PDE10A: variants seen among roughly 807,000 people sequenced by gnomAD.
PDE10A encodes cAMP and cAMP-inhibited cGMP 3',5'-cyclic phosphodiesterase 10A.
Under a neutral mutation model 97.7 loss-of-function variants are expected in PDE10A, and 39 were observed. The observed-to-expected ratio is 0.40, with a 90% CI of 0.31 to 0.52. PDE10A has a LOEUF of 0.52. Ranked by LOEUF, PDE10A falls within the 20% of genes least tolerant of loss-of-function variation. PDE10A has a pLI of 0.56. For synonymous variants in PDE10A, 371 were observed against 376.8 expected (o/e 0.98, Z 0.18); for missense variants, 731 against 1,047.8 (o/e 0.70, Z 4.17).
chr6:165,708,722 G>C (rs1413374051), intron 1 of PDE10A, among the ~76,000 whole-genome samples: 18 of 141,594 alleles, frequency 1.3e-4, no homozygotes, highest in African/African-American at 4.0e-4. Flanking sequence ...CTACCCCCAT[G>C]CTGCGGCGCT....
chr6:165,669,049 C>T (rs1790574449), intron 1 of PDE10A, among the ~76,000 whole-genome samples: 1 of 152,244 alleles, frequency 6.6e-6, no homozygotes, highest in African/African-American at 2.4e-5. Flanking sequence ...AGGCTCCCGT[C>T]TAGACTGAGT....
At chr6:165,510,030 C>T (rs1405112386) in intron 2 of PDE10A, among the ~76,000 whole-genome samples, 1 of 151,970 alleles carries the variant, frequency 6.6e-6, no homozygotes, top group Non-Finnish European at 1.5e-5. Flanking sequence ...AGAGGGACAA[C>T]CTGACTTTCT....
intron 5 of PDE10A, 129 bp from the exon 6 acceptor site, chr6:165,435,506 G>T: frequency 2.7e-6 from 2 of 738,062 alleles, no homozygotes; most frequent in Non-Finnish European, 4.0e-6. Context: ...AATGAGGAAA[G>T]GTGCTTTGCC....
chr6:165,542,612 CTTTTTTTTTTTTTTTTTT>C (rs545149187), intron 2 of PDE10A, among the ~76,000 whole-genome samples: 2 of 76,426 alleles, frequency 2.6e-5, no homozygotes, highest in Non-Finnish European at 5.2e-5. Context: ...TGTCCTTGTT[CTTTTTTTTTTTTTTTTTT>C]TTTTTTTTGA....
At chr6:165,926,285 T>A (rs1782933731) in intron 1 of PDE10A, among the ~76,000 whole-genome samples, 1 of 152,198 alleles carries the variant, frequency 6.6e-6, no homozygotes, top group Non-Finnish European at 1.5e-5. Flanking sequence ...AAGCCATCCA[T>A]CCTTGCTTGG....
chr6:165,526,912 G>A (rs556682832), intron 2 of PDE10A, among the ~76,000 whole-genome samples: 3 of 152,320 alleles, frequency 2.0e-5, no homozygotes, highest in South Asian at 4.1e-4. Flanking sequence ...ATCTTATTCG[G>A]AGAGACCTTG....
chr6:165,950,871 G>T (rs1198469919), intron 1 of PDE10A, among the ~76,000 whole-genome samples: 1 of 152,214 alleles, frequency 6.6e-6, no homozygotes. Flanking sequence ...ATAAAGTAAT[G>T]TAAAACTGGG....
At chr6:165,876,410 T>G (rs1302320911) in intron 1 of PDE10A, among the ~76,000 whole-genome samples, 1 of 152,150 alleles carries the variant, frequency 6.6e-6, no homozygotes, top group Non-Finnish European at 1.5e-5. Context: ...AAAGAAAAGC[T>G]AGGGTAATGA....
At chr6:165,568,156 G>A (rs999615331) in intron 1 of PDE10A, among the ~76,000 whole-genome samples, 12 of 151,960 alleles carry the variant, frequency 7.9e-5, no homozygotes, top group South Asian at 2.1e-4. Context: ...CCGCCACCAC[G>A]CCTGGCTAAT....
chr6:165,441,562 A>G (rs1790471374), intron 5 of PDE10A, among the ~76,000 whole-genome samples: 1 of 152,216 alleles, frequency 6.6e-6, no homozygotes, highest in Non-Finnish European at 1.5e-5. Context: ...GTAAAACAGA[A>G]CTCACACAAT....
intron 2 of PDE10A, among the ~76,000 whole-genome samples, chr6:165,485,942 C>G (rs1038195088): frequency 6.6e-6 from 1 of 152,158 alleles, no homozygotes; most frequent in Non-Finnish European, 1.5e-5. Context: ...CTAACAGGCC[C>G]TTTACTGTTG....
chr6:165,696,635 G>A (rs1026385489), intron 1 of PDE10A, among the ~76,000 whole-genome samples: 13 of 152,240 alleles, frequency 8.5e-5, no homozygotes, highest in Non-Finnish European at 1.6e-4. Context: ...GATATGTAAG[G>A]AAACAGGAAA....
At chr6:165,729,014 A>C (rs1250491223) in intron 1 of PDE10A, among the ~76,000 whole-genome samples, 1 of 152,188 alleles carries the variant, frequency 6.6e-6, no homozygotes, top group African/African-American at 2.4e-5. Flanking sequence ...CCTGGACAAC[A>C]TGGTGAGACC....
intron 1 of PDE10A, among the ~76,000 whole-genome samples, chr6:165,675,291 A>G (rs1041138731): frequency 1.2e-4 from 18 of 152,216 alleles, no homozygotes; most frequent in Admixed American, 7.9e-4. Context: ...ATAAAATTTT[A>G]CATTTCATCC....
chr6:165,796,427 C>T (rs754689891), intron 1 of PDE10A, among the ~76,000 whole-genome samples: 2 of 152,178 alleles, frequency 1.3e-5, no homozygotes, highest in Non-Finnish European at 2.9e-5. Flanking sequence ...CATTTCCTTA[C>T]ATCTTCTCAG....
At chr6:165,600,097 C>A (rs1786851828) in intron 1 of PDE10A, among the ~76,000 whole-genome samples, 1 of 152,176 alleles carries the variant, frequency 6.6e-6, no homozygotes, top group Non-Finnish European at 1.5e-5. Context: ...CCCTCCCCAG[C>A]CAAAGGCTTT....
chr6:165,982,709 T>C (rs1432035381), intron 1 of PDE10A, among the ~76,000 whole-genome samples: 1 of 152,096 alleles, frequency 6.6e-6, no homozygotes, highest in Non-Finnish European at 1.5e-5. Context: ...ATGAAAAAAA[T>C]TTTCAAGTAC....
chr6:165,566,027 T>C (rs935627051), intron 1 of PDE10A, among the ~76,000 whole-genome samples: 3 of 152,216 alleles, frequency 2.0e-5, no homozygotes, highest in Non-Finnish European at 4.4e-5. Context: ...GCATGTCATT[T>C]ACTTTTTAGA....
intron 19 of PDE10A, among the ~76,000 whole-genome samples, chr6:165,340,763 A>T (rs535313769): frequency 2.6e-4 from 39 of 152,324 alleles, no homozygotes; most frequent in African/African-American, 9.1e-4. Flanking sequence ...CAGGGAACAA[A>T]GACCTAAATG....
Sources: gnomAD v4.1 joint callset for allele counts (sites outside exome capture counted in the v4.1 genomes callset) on GRCh38, gnomAD v4.1.1 for gene constraint, MANE v1.5 for transcripts, NCBI Gene and HGNC (gene_info 2026-07-23, HGNC 2026-07-21) for gene names.